PRLR: variants seen among roughly 807,000 people sequenced by gnomAD.
The protein encoded by PRLR is prolactin receptor.
In PRLR, 13 loss-of-function variants were observed where a neutral mutation model predicts 40.2. The ratio of observed to expected loss-of-function variants is 0.32; its 90% confidence interval spans 0.21 to 0.51. The LOEUF (loss-of-function observed/expected upper bound fraction) is 0.51, where lower values mean the gene tolerates loss of function less well. PRLR is among the 20% of genes least tolerant of loss of function. PRLR has a pLI of 0.97. For synonymous variants in PRLR, 269 were observed against 278.7 expected (o/e 0.97, Z 0.35); for missense variants, 656 against 747.3 (o/e 0.88, Z 1.42).
chr5:35,094,561 C>T (rs935170283), intron 2 of PRLR, among the ~76,000 whole-genome samples: 2 of 152,182 alleles, frequency 1.3e-5, no homozygotes, highest in African/African-American at 2.4e-5. Context: ...CTGTGCTACC[C>T]GCCATATCTC....
intron 1 of PRLR, among the ~76,000 whole-genome samples, chr5:35,205,241 C>T (rs1026040540): frequency 6.6e-6 from 1 of 152,052 alleles, no homozygotes; most frequent in African/African-American, 2.4e-5. Flanking sequence ...CAATCTTCAA[C>T]TATGCTAAAA....
At chr5:35,219,258 C>A (rs566681188) in intron 1 of PRLR, among the ~76,000 whole-genome samples, 1 of 152,192 alleles carries the variant, frequency 6.6e-6, no homozygotes, top group Non-Finnish European at 1.5e-5. Flanking sequence ...AAAAGTGGCA[C>A]AACATAGTTA....
chr5:35,065,972 T>G lies in PRLR; in HGVS notation c.986A>C (p.His329Pro), dbSNP rs1769344163. 5 of 1,614,194 alleles carry G rather than the reference T, an allele frequency of 3.1e-6. No individual in the cohort carries two copies. The change falls in exon 10 of 10, where the codon CAT (histidine) becomes CCT (proline). Residue 329 changes from histidine to proline, a missense_variant. Transcript: ENST00000618457. The stretch of plus-strand genomic sequence containing the variant: ...ACCTTGACTTGGGTGTTCTTTTGAA[T>G]GGACTGACATTAGATGCTGGTCCTC... ...DSEDQHLMSVHSKEHPSQGMK... is the reference protein window; with the variant it reads ...DSEDQHLMSVPSKEHPSQGMK...
rs541340083 is a variant in PRLR, at chr5:35,169,954, T to C, written c.-105-51832A>G. Reference sequence around the variant, plus strand: ...CTGTGTGCTGCTTACTGTTTTCATATGAGGCTCGGTCTCTGTGATGGAGGG... The same window carrying C: ...CTGTGTGCTGCTTACTGTTTTCATACGAGGCTCGGTCTCTGTGATGGAGGG... On this transcript the variant is annotated intron_variant, in intron 1 of 9. Coordinates refer to ENST00000618457, the MANE Select transcript of PRLR (RefSeq NM_000949.7). Among the ~76,000 whole-genome samples the C allele has an allele frequency of 9.8e-5, 15 of 152,336 alleles. No individual in the cohort carries two copies. In the South Asian group the frequency reaches 3.1e-3, roughly 32 times the overall value.
At chr5:35,197,801 A>G (rs981601414) in intron 1 of PRLR, among the ~76,000 whole-genome samples, 12 of 152,236 alleles carry the variant, frequency 7.9e-5, no homozygotes, top group South Asian at 2.1e-4. Context: ...GATCTCTGAG[A>G]GGATGAGATT....
At chr5:35,109,451 T>C (rs1772500987) in intron 2 of PRLR, among the ~76,000 whole-genome samples, 1 of 151,932 alleles carries the variant, frequency 6.6e-6, no homozygotes, top group Non-Finnish European at 1.5e-5. Context: ...TGGGAGAAAA[T>C]TTTTACAATC....
chr5:35,088,300 ATAATGTGTTGCTGGGAGTTACAGC>A (rs763727034), intron 3 of PRLR, among the ~76,000 whole-genome samples: 9 of 152,192 alleles, frequency 5.9e-5, no homozygotes, highest in Non-Finnish European at 1.3e-4. Flanking sequence ...TTTATTCAGG[ATAATGTGTTGCTGGGAGTTACAGC>A]AAGAATGCAA....
chr5:35,179,265 T>C (rs577194474), intron 1 of PRLR, among the ~76,000 whole-genome samples: 1 of 152,342 alleles, frequency 6.6e-6, no homozygotes, highest in East Asian at 1.9e-4. Flanking sequence ...AATAAAAGGA[T>C]ATATTTGCCA....
Position 35,058,202 on chromosome 5 carries a change from G to A in PRLR, c.*6887C>T, listed in dbSNP as rs1768826462. On this transcript the variant is annotated 3_prime_UTR_variant, in exon 10 of 10. Transcript: ENST00000618457. The stretch of plus-strand genomic sequence containing the variant: ...TTCTAATTTCTCACTTAGTGTTGGG[G>A]AATTTTGCTTGGCATTTTCTAGGGA... The A allele has an allele frequency of 6.6e-6, 1 of 152,154 alleles. No individual in the cohort carries two copies. Among genetic ancestry groups the A allele is most frequent in the Admixed American group, 6.5e-5 (1 of 15,278 alleles). The allele number at this position is 152,154 out of a possible 1,614,324, so 9.4% of individuals were successfully genotyped here.
chr5:35,089,907 G>A (rs1159276491), intron 2 of PRLR, among the ~76,000 whole-genome samples: 1 of 152,076 alleles, frequency 6.6e-6, no homozygotes, highest in African/African-American at 2.4e-5. Context: ...AGAGTTCAAG[G>A]GGCAGCAAGG....
chr5:35,187,399 TAA>T (rs11343067), intron 1 of PRLR, among the ~76,000 whole-genome samples: 23 of 141,042 alleles, frequency 1.6e-4, no homozygotes, highest in Admixed American at 2.1e-4. Context: ...AAACTCCGTT[TAA>T]AAAAAAAAAA....
intron 2 of PRLR, among the ~76,000 whole-genome samples, chr5:35,092,030 A>G (rs552910174): frequency 4.7e-4 from 71 of 152,300 alleles, no homozygotes; most frequent in Non-Finnish European, 9.3e-4. Context: ...GTTTTGCAAA[A>G]GAAACTCTGG....
intron 1 of PRLR, among the ~76,000 whole-genome samples, chr5:35,226,696 G>A (rs1322965718): frequency 6.6e-6 from 1 of 152,212 alleles, no homozygotes; most frequent in Non-Finnish European, 1.5e-5. Context: ...AGTCTTCTCT[G>A]ACTTCCCTGT....
chr5:35,182,870 C>T lies in PRLR; in HGVS notation c.-106+47398G>A, dbSNP rs78929046. 4.7e-3 allele frequency among the ~76,000 whole-genome samples: 713 copies of T among 152,292 alleles called. 8 individuals carry two copies. Among genetic ancestry groups the T allele is most frequent in the African/African-American group, 0.016 (669 of 41,542 alleles). The stretch of plus-strand genomic sequence containing the variant: ...GAAGTATTTTTAAATTATACTGCAA[C>T]CTTGTTAGCATTCCTGTTTCTCAGA... On this transcript the variant is annotated intron_variant, in intron 1 of 9. Coordinates refer to ENST00000618457, the MANE Select transcript of PRLR (RefSeq NM_000949.7).
intron 1 of PRLR, among the ~76,000 whole-genome samples, chr5:35,118,954 C>T (rs13168861): frequency 0.054 from 8,254 of 152,056 alleles, 526 homozygotes; most frequent in East Asian, 0.18. Flanking sequence ...GTCATTACAC[C>T]TGGCGAAGTT....
chr5:35,106,815 G>A (rs989312767), intron 2 of PRLR, among the ~76,000 whole-genome samples: 4 of 152,008 alleles, frequency 2.6e-5, no homozygotes, highest in Non-Finnish European at 4.4e-5. Context: ...TAGACAGATC[G>A]ATGACACAGA....
intron 1 of PRLR, among the ~76,000 whole-genome samples, chr5:35,225,673 A>G: frequency 6.6e-6 from 1 of 152,214 alleles, no homozygotes; most frequent in Admixed American, 6.5e-5. Context: ...AAATTGAGAC[A>G]GTTTACTTTT....
intron 1 of PRLR, among the ~76,000 whole-genome samples, chr5:35,226,716 C>T (rs1429077025): frequency 1.3e-5 from 2 of 152,216 alleles, no homozygotes; most frequent in Admixed American, 1.3e-4. Context: ...TTGAAAGTTG[C>T]TCCCACGCCC....
rs547956321 is a variant in PRLR, at chr5:35,104,101, T to G, written c.-44+13960A>C. Among the ~76,000 whole-genome samples the G allele has an allele frequency of 7.9e-5, 12 of 152,326 alleles. No individual in the cohort carries two copies. In the South Asian group the frequency reaches 1.2e-3, roughly 16 times the overall value. ...GGTTCCCTGCTTAGCACAAACGTTCTGAGAACACAGTAGCACTTAGCTCCT... is the reference window on the plus strand; with the variant it reads ...GGTTCCCTGCTTAGCACAAACGTTCGGAGAACACAGTAGCACTTAGCTCCT... On this transcript the variant is annotated intron_variant, in intron 2 of 9. Coordinates refer to ENST00000618457, the MANE Select transcript of PRLR (RefSeq NM_000949.7).
Sources: allele counts gnomAD v4.1 joint callset (sites outside exome capture counted in the v4.1 genomes callset), GRCh38; gene constraint gnomAD v4.1.1; transcripts MANE v1.5; gene names NCBI Gene and HGNC (gene_info 2026-07-23, HGNC 2026-07-21).